The following DHRSX variants were observed in gnomAD, a reference collection of about 807,000 sequenced individuals.
DHRSX encodes polyprenol dehydrogenase.
In DHRSX, 31 loss-of-function variants were observed where a neutral mutation model predicts 34.0. That is an observed-to-expected ratio of 0.91 (90% confidence interval 0.69 to 1.23). The LOEUF is 1.23. Among genes scored for constraint, DHRSX ranks in the 50% most tolerant of loss-of-function variants. The pLI, the probability that DHRSX is intolerant of heterozygous loss-of-function variation, is 0.00. For missense variants in DHRSX, 414 were observed against 428.1 expected (o/e 0.97, Z 0.29); for synonymous variants, 201 against 183.8 (o/e 1.09, Z -0.76).
intron 1 of DHRSX, among the ~76,000 whole-genome samples, chrX:2,479,347 A>C (rs1307487466): frequency 6.6e-6 from 1 of 150,596 alleles, no homozygotes; most frequent in Non-Finnish European, 1.5e-5. Context: ...CTTGTGGCTA[A>C]GGGACCTCCG....
chrX:2,292,536 G>C (rs932890801), intron 3 of DHRSX, among the ~76,000 whole-genome samples: 1 of 152,024 alleles, frequency 6.6e-6, no homozygotes, highest in Non-Finnish European at 1.5e-5. Flanking sequence ...TACACAAAAT[G>C]ACTCAGAAGC....
At chrX:2,293,940 A>G (rs1427050011) in intron 3 of DHRSX, among the ~76,000 whole-genome samples, 3 of 152,056 alleles carry the variant, frequency 2.0e-5, no homozygotes, top group Non-Finnish European at 4.4e-5. Flanking sequence ...CTCCAAAACT[A>G]TTACTGGAAT....
chrX:2,489,416 T>A, intron 1 of DHRSX: 1 of 1,613,884 alleles, frequency 6.2e-7, no homozygotes, highest in Non-Finnish European at 8.5e-7. Flanking sequence ...CTCCTTGATG[T>A]TGAGCGTGGT....
chrX:2,476,873 A>G (rs1009075431), intron 1 of DHRSX, among the ~76,000 whole-genome samples: 1 of 152,066 alleles, frequency 6.6e-6, no homozygotes, highest in Non-Finnish European at 1.5e-5. Flanking sequence ...GTGGTAGTGC[A>G]TGCCTGTAAT....
intron 3 of DHRSX, among the ~76,000 whole-genome samples, chrX:2,312,334 T>A (rs1351133727): frequency 6.6e-6 from 1 of 152,026 alleles, no homozygotes; most frequent in Non-Finnish European, 1.5e-5. Flanking sequence ...GATGTTCGCT[T>A]CCCTAGAGCA....
chrX:2,246,890 A>G (rs2016310737), intron 5 of DHRSX, among the ~76,000 whole-genome samples: 1 of 152,176 alleles, frequency 6.6e-6, no homozygotes, highest in African/African-American at 2.4e-5. Flanking sequence ...AATGAGAAAT[A>G]CAGAAAGAAA....
intron 1 of DHRSX, among the ~76,000 whole-genome samples, chrX:2,493,500 CGG>C (rs2045210248): frequency 6.6e-6 from 1 of 151,164 alleles, no homozygotes; most frequent in African/African-American, 2.4e-5. Flanking sequence ...TGGCTGAAAG[CGG>C]TTCTGGAACC....
chrX:2,348,015 C>A (rs1189307392), intron 3 of DHRSX, among the ~76,000 whole-genome samples: 11 of 152,298 alleles, frequency 7.2e-5, no homozygotes, highest in East Asian at 5.8e-4. Flanking sequence ...GCAGTGCCAA[C>A]GGCTGGAAAT....
intron 2 of DHRSX, among the ~76,000 whole-genome samples, chrX:2,423,484 C>T (rs1439563592): frequency 6.6e-6 from 1 of 151,984 alleles, no homozygotes; most frequent in Non-Finnish European, 1.5e-5. Context: ...ATCAGCGACT[C>T]ATGAGGCTGA....
chrX:2,390,144 C>CGTT lies in DHRSX; in HGVS notation c.286+18600_286+18601insAAC, dbSNP rs1166056838. ...ATAACATAAAGTTTAGCATTTTAACCTTTTTTTTTTTTTTTTTTAATGGAG... is the reference window on the plus strand; with the variant it reads ...ATAACATAAAGTTTAGCATTTTAACCGTTTTTTTTTTTTTTTTTTTTAATGGAG... On this transcript the variant is annotated intron_variant, in intron 3 of 6. Coordinates refer to ENST00000334651, the MANE Select transcript of DHRSX (RefSeq NM_145177.3). 8.9e-3 allele frequency among the ~76,000 whole-genome samples: 1,146 copies of CGTT among 128,162 alleles called. 22 individuals are homozygous for CGTT. The highest frequency in any genetic ancestry group is 0.032 in the African/African-American group (1,077 of 33,556). The allele number at this position is 128,162 out of a possible 152,430, so 84.1% of individuals were successfully genotyped here. A position where few individuals can be genotyped will look rare whatever the true frequency, so the allele number is the denominator to read the frequency against.
intron 1 of DHRSX, among the ~76,000 whole-genome samples, chrX:2,467,515 A>G (rs2044515100): frequency 6.6e-6 from 1 of 152,144 alleles, no homozygotes; most frequent in Non-Finnish European, 1.5e-5. Flanking sequence ...AACACCAGAA[A>G]CAGGAGACCG....
rs752543470 is a variant in DHRSX at position 2,326,651 on chromosome X, G to A, written c.287-35048C>T. Among the ~76,000 whole-genome samples the A allele has an allele frequency of 6.6e-5, 10 of 152,224 alleles. No individual in the cohort carries two copies. The South Asian group carries it at 1.7e-3, about 25-fold the overall frequency. Reference sequence around the variant, plus strand: ...AGATCAAAGAAATATCCAGTTGTGTGTTATTGGGGGAAAGTAACCACTTTG... The same window carrying A: ...AGATCAAAGAAATATCCAGTTGTGTATTATTGGGGGAAAGTAACCACTTTG... On this transcript the variant is annotated intron_variant, in intron 3 of 6. Transcript: ENST00000334651.
At chrX:2,245,894 A>C (rs1362684349) in intron 5 of DHRSX, among the ~76,000 whole-genome samples, 4 of 150,344 alleles carry the variant, frequency 2.7e-5, no homozygotes, top group Non-Finnish European at 1.5e-5. Context: ...CCTGGGAGGC[A>C]AAGGGTGCAG....
intron 1 of DHRSX, among the ~76,000 whole-genome samples, chrX:2,450,012 C>G (rs142087666): frequency 0.033 from 5,030 of 152,014 alleles, 106 homozygotes; most frequent in Admixed American, 0.055. Context: ...CACAGATTAC[C>G]GAATTACACT....
At chrX:2,345,011 C>G (rs1022005737) in intron 3 of DHRSX, among the ~76,000 whole-genome samples, 8 of 150,464 alleles carry the variant, frequency 5.3e-5, no homozygotes, top group Admixed American at 4.7e-4. Context: ...ACAGAGGCCA[C>G]AAGACCCCTG....
intron 3 of DHRSX, among the ~76,000 whole-genome samples, chrX:2,330,094 GA>G (rs2042441643): frequency 1.5e-3 from 14 of 9,450 alleles, no homozygotes; most frequent in East Asian, 5.3e-3. Context: ...GGGGGGGGGG[GA>G]GGGAGGGAGA....
intron 3 of DHRSX, among the ~76,000 whole-genome samples, chrX:2,335,960 T>G (rs1406034033): frequency 6.6e-6 from 1 of 152,136 alleles, no homozygotes; most frequent in Non-Finnish European, 1.5e-5. Context: ...CTCTTTCAAC[T>G]TCTGAGTCAT....
At chrX:2,359,417 C>T (rs12835766) in intron 3 of DHRSX, among the ~76,000 whole-genome samples, 40,866 of 152,046 alleles carry the variant, frequency 0.27, 5,698 homozygotes, top group Non-Finnish European at 0.31. Context: ...GTGGCTCACG[C>T]CTGTAATTCC....
chrX:2,372,764 C>A (rs775959700), intron 3 of DHRSX, among the ~76,000 whole-genome samples: 182 of 151,956 alleles, frequency 1.2e-3, no homozygotes, highest in African/African-American at 4.1e-3. Flanking sequence ...ACCCGCCACC[C>A]TGCCCGGCTA....
Sources: gnomAD v4.1 joint callset for allele counts (sites outside exome capture counted in the v4.1 genomes callset) on GRCh38, gnomAD v4.1.1 for gene constraint, MANE v1.5 for transcripts, NCBI Gene and HGNC (gene_info 2026-07-23, HGNC 2026-07-21) for gene names.